ROBO1: variants seen among roughly 807,000 people sequenced by gnomAD.
ROBO1 encodes the protein roundabout guidance receptor 1.
In ROBO1, 149 loss-of-function variants were observed where a neutral mutation model predicts 195.9. That is an observed-to-expected ratio of 0.76 (90% CI 0.67 to 0.87). The LOEUF (loss-of-function observed/expected upper bound fraction) is 0.87. Ranked by LOEUF, ROBO1 falls within the 40% of genes least tolerant of loss-of-function variation. ROBO1 has a pLI of 0.00. For missense variants in ROBO1, 1,933 were observed against 2,068.3 expected (o/e 0.93, Z 1.27); for synonymous variants, 816 against 733.2 (o/e 1.11, Z -1.82).
chr3:79,151,876 T>C (rs1357092723), intron 2 of ROBO1, among the ~76,000 whole-genome samples: 1 of 151,914 alleles, frequency 6.6e-6, no homozygotes, highest in Non-Finnish European at 1.5e-5. Context: ...TCAACAAAAA[T>C]GTCACTATAC....
Position 79,269,646 on chromosome 3 carries a change from A to C in ROBO1, c.89-144107T>G, listed in dbSNP as rs546691093. Among the ~76,000 whole-genome samples, 3 of 151,874 alleles carry C rather than the reference A, an allele frequency of 2.0e-5. 1 individual carries two copies. In the South Asian group the frequency reaches 6.2e-4, roughly 31 times the overall value. On this transcript the variant is annotated intron_variant, in intron 2 of 30. Coordinates refer to ENST00000464233, the MANE Select transcript of ROBO1 (RefSeq NM_002941.4). ...AGTGAGCTTCAAGATTTTACTGAAA[A>C]TTAATAATGTGTCTGTGAATTCTCA...
intron 2 of ROBO1, among the ~76,000 whole-genome samples, chr3:79,215,891 T>G (rs1362316451): frequency 6.6e-6 from 1 of 152,170 alleles, no homozygotes. Context: ...AACATTACAT[T>G]AAATAAATCA....
intron 2 of ROBO1, among the ~76,000 whole-genome samples, chr3:79,575,345 A>T (rs1258154851): frequency 2.8e-4 from 36 of 126,856 alleles, no homozygotes; most frequent in African/African-American, 1.0e-3. Context: ...TATATAACCA[A>T]TATATATAAA....
At chr3:79,675,801 G>A (rs1386918178) in intron 1 of ROBO1, among the ~76,000 whole-genome samples, 1 of 152,024 alleles carries the variant, frequency 6.6e-6, no homozygotes, top group African/African-American at 2.4e-5. Flanking sequence ...AAAAATGACT[G>A]TGTAGTGTCA....
Position 79,013,643 on chromosome 3 carries a change from G to A in ROBO1, c.173-74716C>T, listed in dbSNP as rs182819765. ...CTAGGAAAATGCACAGTAGTTGAGA[G>A]TTTTAGAGCCAGCTTGGTTCAAATC... On this transcript the variant is annotated intron_variant, in intron 3 of 30. Transcript: ENST00000464233. Among the ~76,000 whole-genome samples the A allele has an allele frequency of 2.6e-3, 403 of 152,298 alleles. 1 individual carries two copies. The highest frequency in any genetic ancestry group is 9.3e-3 in the African/African-American group (386 of 41,570).
At chr3:79,298,929 T>C (rs1320542103) in intron 2 of ROBO1, among the ~76,000 whole-genome samples, 1 of 152,146 alleles carries the variant, frequency 6.6e-6, no homozygotes, top group African/African-American at 2.4e-5. Context: ...ACTACAAAGA[T>C]TTCAAACACA....
intron 4 of ROBO1, among the ~76,000 whole-genome samples, chr3:78,815,373 C>G (rs1338900163): frequency 6.6e-6 from 1 of 152,102 alleles, no homozygotes; most frequent in Non-Finnish European, 1.5e-5. Flanking sequence ...GAGTGCTATT[C>G]TAGTAAACAC....
At chr3:78,640,466 G>A (rs1387951320) in intron 21 of ROBO1, among the ~76,000 whole-genome samples, 9 of 152,276 alleles carry the variant, frequency 5.9e-5, no homozygotes, top group African/African-American at 1.4e-4. Context: ...GCATAGTTCT[G>A]TAAGCTTGTC....
At chr3:79,588,765 C>A (rs1238675642) in intron 2 of ROBO1, among the ~76,000 whole-genome samples, 2 of 151,660 alleles carry the variant, frequency 1.3e-5, no homozygotes, top group Non-Finnish European at 3.0e-5. Context: ...TGATACAAAT[C>A]ATTAAATGTA....
At chr3:79,077,299 G>A (rs577021844) in intron 3 of ROBO1, among the ~76,000 whole-genome samples, 2 of 151,820 alleles carry the variant, frequency 1.3e-5, no homozygotes, top group Non-Finnish European at 2.9e-5. Flanking sequence ...AGAACTATAT[G>A]AGGATGGAAA....
At chr3:78,676,788 T>C (rs9883582) in intron 10 of ROBO1, among the ~76,000 whole-genome samples, 1 of 151,978 alleles carries the variant, frequency 6.6e-6, no homozygotes, top group South Asian at 2.1e-4. Flanking sequence ...CAATCTGGCA[T>C]GGCAGGCCAA....
rs375655893 is a variant in ROBO1, at chr3:78,994,229, G to A, written c.173-55302C>T. Among the ~76,000 whole-genome samples the A allele has an allele frequency of 6.6e-5, 10 of 152,148 alleles. No homozygotes were observed. The East Asian group carries it at 1.2e-3, about 18-fold the overall frequency. On this transcript the variant is annotated intron_variant, in intron 3 of 30. Transcript: ENST00000464233. ...CTTATGCCCTCAAACTCCATTCCTC[G>A]ACTGATATCCAGGCTCCAAGATTTG...
At chr3:78,953,733 T>C (rs1012135308) in intron 3 of ROBO1, among the ~76,000 whole-genome samples, 22 of 152,038 alleles carry the variant, frequency 1.4e-4, no homozygotes, top group African/African-American at 5.3e-4. Context: ...AAATCTAGCC[T>C]CTGGTACTTC....
At chr3:79,082,790 G>A (rs188713655) in intron 3 of ROBO1, among the ~76,000 whole-genome samples, 2 of 152,128 alleles carry the variant, frequency 1.3e-5, no homozygotes, top group Non-Finnish European at 2.9e-5. Context: ...GGTATGGAGA[G>A]AGGCAGGTTG....
chr3:79,137,119 A>G (rs756452851), intron 2 of ROBO1, among the ~76,000 whole-genome samples: 4 of 152,144 alleles, frequency 2.6e-5, no homozygotes, highest in African/African-American at 4.8e-5. Context: ...AAGAACCATG[A>G]TTACAATGAT....
At chr3:79,744,222 C>A (rs565216532) in intron 1 of ROBO1, among the ~76,000 whole-genome samples, 5 of 152,038 alleles carry the variant, frequency 3.3e-5, no homozygotes, top group Admixed American at 2.6e-4. Context: ...ATTATAATCT[C>A]GTGGGTCCAC....
intron 2 of ROBO1, among the ~76,000 whole-genome samples, chr3:79,358,227 C>A (rs1404163742): frequency 6.6e-6 from 1 of 151,900 alleles, no homozygotes; most frequent in Non-Finnish European, 1.5e-5. Context: ...ATCTTAGTAA[C>A]TATGAAACAC....
intron 4 of ROBO1, among the ~76,000 whole-genome samples, chr3:78,869,260 T>G (rs1014315555): frequency 6.6e-5 from 10 of 152,220 alleles, no homozygotes; most frequent in Admixed American, 5.2e-4. Context: ...TAATTAAACC[T>G]ATGTGTAATA....
intron 4 of ROBO1, among the ~76,000 whole-genome samples, chr3:78,831,479 C>A (rs2032203383): frequency 6.6e-6 from 1 of 152,152 alleles, no homozygotes; most frequent in South Asian, 2.1e-4. Context: ...CCATTATACT[C>A]TCTGTGTCTC....
Sources: gnomAD v4.1 joint callset for allele counts (sites outside exome capture counted in the v4.1 genomes callset) on GRCh38, gnomAD v4.1.1 for gene constraint, MANE v1.5 for transcripts, NCBI Gene and HGNC (gene_info 2026-07-23, HGNC 2026-07-21) for gene names.